The following GLP2R variants were observed in gnomAD, a reference collection of about 807,000 sequenced individuals.
GLP2R encodes glucagon-like peptide 2 receptor.
Under a neutral mutation model 68.2 loss-of-function variants are expected in GLP2R, and 59 were observed. The ratio of observed to expected loss-of-function variants is 0.87; its 90% CI spans 0.70 to 1.07. The LOEUF is 1.07. Ranked by LOEUF, GLP2R falls within the 50% of genes least tolerant of loss-of-function variation. The pLI is 0.00. For synonymous variants in GLP2R, 270 were observed against 265.4 expected (o/e 1.02, Z -0.17); for missense variants, 548 against 677.4 (o/e 0.81, Z 2.12).
intron 4 of GLP2R, among the ~76,000 whole-genome samples, chr17:9,849,005 A>T (rs577951108): frequency 7.1e-6 from 1 of 141,602 alleles, no homozygotes; most frequent in Non-Finnish European, 1.5e-5. Flanking sequence ...AAGTGCGTCT[A>T]TTCTTAAATA....
At chr17:9,837,268 C>T (rs2066740972) in intron 3 of GLP2R, among the ~76,000 whole-genome samples, 2 of 152,184 alleles carry the variant, frequency 1.3e-5, no homozygotes, top group Non-Finnish European at 2.9e-5. Flanking sequence ...CCCAGCCGCC[C>T]ACTACCCTTC....
chr17:9,860,757 A>G (rs1567729001), intron 7 of GLP2R, among the ~76,000 whole-genome samples: 1 of 152,190 alleles, frequency 6.6e-6, no homozygotes, highest in East Asian at 1.9e-4. Context: ...GAGTTTTCTG[A>G]TTAAAAAAAT....
chr17:9,842,386 A>G (rs2066795411), intron 3 of GLP2R, 109 bp from the exon 4 acceptor site: 1 of 1,358,412 alleles, frequency 7.4e-7, no homozygotes, highest in Non-Finnish European at 1.0e-6. Flanking sequence ...AGCCCCCAAA[A>G]GGGGAAATGA....
Position 9,826,237 on chromosome 17 carries a change from G to A in GLP2R, c.174G>A (p.Leu58=), listed in dbSNP as rs771809723. The A allele has an allele frequency of 1.9e-6, 3 of 1,595,138 alleles. No individual in the cohort carries two copies. Among genetic ancestry groups the A allele is most frequent in the South Asian group, 2.2e-5 (2 of 89,086 alleles). ...GGCCCTTCCTCACTCTGGTCCTGCT[G>A]GTTTCCATCAAGCAAGTAAGAGCAG... ...PGRPFLTLVL[L]VSIKQVTGSL... Residue 58 remains leucine (L), a synonymous_variant, in exon 1 of 13, where the codon CTG becomes CTA. Transcript: ENST00000262441.
chr17:9,889,515 G>A lies in GLP2R; in HGVS notation c.1472G>A (p.Arg491Gln), dbSNP rs748318508. 7 of 1,614,194 alleles carry A rather than the reference G, an allele frequency of 4.3e-6. No homozygotes were observed. Among genetic ancestry groups the A allele is most frequent in the East Asian group, 4.5e-5 (2 of 44,878 alleles). Residue 491 changes from arginine (R) to glutamine (Q), a missense_variant, in exon 13 of 13, where the codon CGG becomes CAG. Arg to Gln is a conservative substitution (Grantham distance 43). Transcript: ENST00000262441. Reference protein sequence around the residue: ...LSEGDGAEKLRKLQPSLNSGR... With the variant: ...LSEGDGAEKLQKLQPSLNSGR... ...GAAGGAGATGGCGCTGAGAAGCTTC[G>A]GAAGCTGCAGCCCTCACTTAACAGT... is the stretch of plus-strand genomic sequence containing the variant.
rs182938326 is a variant in GLP2R at position 9,859,563 on chromosome 17, C to T, written c.766-379C>T. Among the ~76,000 whole-genome samples the T allele has an allele frequency of 5.5e-3, 837 of 151,264 alleles. 5 individuals carry two copies. The highest frequency in any genetic ancestry group is 8.9e-3 in the Non-Finnish European group (603 of 67,876). On this transcript the variant is annotated intron_variant, in intron 6 of 12. Coordinates refer to ENST00000262441, the MANE Select transcript of GLP2R (RefSeq NM_004246.3). The stretch of plus-strand genomic sequence containing the variant: ...ATCCCAGCACTTTGGGAGGCCAGGG[C>T]GGGTGGATCACGAGGTCAGGAGATC...
chr17:9,881,622 C>T (rs58899893), intron 11 of GLP2R, among the ~76,000 whole-genome samples: 19,416 of 136,496 alleles, frequency 0.14, 2,128 homozygotes, highest in South Asian at 0.29. Flanking sequence ...CCTCGTGATC[C>T]GCCCGCCTCG....
At chr17:9,835,876 TA>T (rs1373661046) in intron 2 of GLP2R, among the ~76,000 whole-genome samples, 1 of 151,652 alleles carries the variant, frequency 6.6e-6, no homozygotes, top group African/African-American at 2.4e-5. Context: ...CTGTCTCTAC[TA>T]AAAATACAAA....
chr17:9,842,888 C>T (rs1251423799), intron 4 of GLP2R, among the ~76,000 whole-genome samples: 1 of 152,194 alleles, frequency 6.6e-6, no homozygotes, highest in Non-Finnish European at 1.5e-5. Flanking sequence ...GCCTGGAGCA[C>T]CTGTCCCAGC....
At chr17:9,840,728 C>T (rs1597379731) in intron 3 of GLP2R, among the ~76,000 whole-genome samples, 1 of 152,024 alleles carries the variant, frequency 6.6e-6, no homozygotes, top group African/African-American at 2.4e-5. Context: ...AGGAAGTCTT[C>T]GATGGCAAGG....
intron 4 of GLP2R, among the ~76,000 whole-genome samples, chr17:9,846,990 C>G (rs1176523215): frequency 6.6e-6 from 1 of 152,200 alleles, no homozygotes; most frequent in Non-Finnish European, 1.5e-5. Flanking sequence ...TCCCTGCTTC[C>G]ACTCCTGAAG....
At position 9,843,828 on chromosome 17, in the gene GLP2R, A is replaced by G. The variant is rs148545004; in HGVS notation, c.504+1212A>G. ...TCCGATGGTCAGGCCACAAACAGTAATGAAGCATATACGATGGGTTAGGTT... is the reference window on the plus strand; with the variant it reads ...TCCGATGGTCAGGCCACAAACAGTAGTGAAGCATATACGATGGGTTAGGTT... On this transcript the variant is annotated intron_variant, in intron 4 of 12. Coordinates refer to ENST00000262441, the MANE Select transcript of GLP2R (RefSeq NM_004246.3). 4.2e-4 allele frequency among the ~76,000 whole-genome samples: 64 copies of G among 152,364 alleles called. 1 individual carries two copies. The East Asian group carries it at 6.6e-3, about 16-fold the overall frequency.
Position 9,889,735 on chromosome 17 carries a change from C to T in GLP2R, c.*30C>T, listed in dbSNP as rs199866726. On this transcript the variant is annotated 3_prime_UTR_variant, in exon 13 of 13. Transcript: ENST00000262441. ...GAGTTCCACCACCCTGGCTCTGCTC[C>T]CAGGGACTCTTGAGGGGGCCCAGGA... 1 of 1,407,766 alleles carries T rather than the reference C, an allele frequency of 7.1e-7. No individual in the cohort carries two copies. Among genetic ancestry groups the T allele is most frequent in the Non-Finnish European group, 9.6e-7 (1 of 1,041,426 alleles). 87.2% of individuals were successfully genotyped at this position (1,407,766 alleles called of 1,614,324 possible).
At chr17:9,836,039 CAAA>C (rs10706067) in intron 2 of GLP2R, among the ~76,000 whole-genome samples, 5 of 87,176 alleles carry the variant, frequency 5.7e-5, no homozygotes, top group South Asian at 4.1e-4. Flanking sequence ...ACTCCATCTC[CAAA>C]AAAAAAAAAA....
intron 1 of GLP2R, among the ~76,000 whole-genome samples, chr17:9,830,921 G>A (rs185478518): frequency 3.9e-4 from 60 of 152,348 alleles, no homozygotes; most frequent in Non-Finnish European, 7.2e-4. Flanking sequence ...TGGACAGCAG[G>A]CACTAAGCTG....
intron 3 of GLP2R, among the ~76,000 whole-genome samples, chr17:9,838,894 T>G (rs1475526659): frequency 6.6e-6 from 1 of 152,146 alleles, no homozygotes; most frequent in Non-Finnish European, 1.5e-5. Context: ...GCGCCTGTAG[T>G]CCCAGCTACT....
chr17:9,854,455 C>A (rs2066917635), intron 4 of GLP2R, 40 bp from the exon 5 acceptor site: 2 of 1,234,370 alleles, frequency 1.6e-6, no homozygotes, highest in Middle Eastern at 3.8e-4. Flanking sequence ...GCCATAGCCC[C>A]ATGGCTTAGT....
chr17:9,850,365 T>C (rs949198942), intron 4 of GLP2R, among the ~76,000 whole-genome samples: 2 of 152,230 alleles, frequency 1.3e-5, no homozygotes, highest in African/African-American at 2.4e-5. Flanking sequence ...TTTGCCCTAA[T>C]CAATTCAGTA....
intron 11 of GLP2R, among the ~76,000 whole-genome samples, chr17:9,886,621 C>G (rs1470969434): frequency 6.6e-6 from 1 of 152,144 alleles, no homozygotes; most frequent in East Asian, 1.9e-4. Flanking sequence ...GTTATGGAAG[C>G]TATAGCCATG....
Sources: gnomAD v4.1 joint callset for allele counts (sites outside exome capture counted in the v4.1 genomes callset) on GRCh38, gnomAD v4.1.1 for gene constraint, MANE v1.5 for transcripts, NCBI Gene and HGNC (gene_info 2026-07-23, HGNC 2026-07-21) for gene names.